Variants in SLC4A10 observed in about 807,000 individuals in gnomAD.
SLC4A10 encodes the protein solute carrier family 4 member 10.
Under a neutral mutation model 137.7 loss-of-function variants are expected in SLC4A10, and 42 were observed. The ratio of observed to expected loss-of-function variants is 0.30; its 90% CI spans 0.24 to 0.39. SLC4A10 has a LOEUF of 0.39. SLC4A10 is among the 10% of genes least tolerant of loss of function. The pLI, the probability that SLC4A10 is intolerant of heterozygous loss-of-function variation, is 1.00. For synonymous variants in SLC4A10, 474 were observed against 464.1 expected (o/e 1.02, Z -0.27); for missense variants, 925 against 1,355.0 (o/e 0.68, Z 4.98).
At position 161,802,733 on chromosome 2, in the gene SLC4A10, G is replaced by A. The variant is rs537222505; in HGVS notation, c.131-1716G>A. Among the ~76,000 whole-genome samples the A allele has an allele frequency of 1.6e-3, 247 of 152,242 alleles. 1 individual carries two copies. Among genetic ancestry groups the A allele is most frequent in the Middle Eastern group, 3.4e-3 (1 of 294 alleles). On this transcript the variant is annotated intron_variant, in intron 2 of 26. Coordinates refer to ENST00000446997, the MANE Select transcript of SLC4A10 (RefSeq NM_001178015.2). ...CTAGCCAGGTGGGTCTCATTCTGAA[G>A]ACTTTTCTCTTGGCTTTAGGTGGTT...
At chr2:161,768,470 C>A (rs1426463316) in intron 1 of SLC4A10, among the ~76,000 whole-genome samples, 1 of 151,994 alleles carries the variant, frequency 6.6e-6, no homozygotes, top group Non-Finnish European at 1.5e-5. Context: ...AAATTTTTGG[C>A]AATGTAGCAA....
At chr2:161,672,880 G>T (rs555421649) in intron 1 of SLC4A10, among the ~76,000 whole-genome samples, 7 of 152,190 alleles carry the variant, frequency 4.6e-5, no homozygotes, top group Admixed American at 1.3e-4. Flanking sequence ...TTAAAAATAA[G>T]TATTCAGAAG....
chr2:161,796,832 T>C (rs942884579), intron 2 of SLC4A10, among the ~76,000 whole-genome samples: 2 of 152,206 alleles, frequency 1.3e-5, no homozygotes, highest in Admixed American at 6.5e-5. Flanking sequence ...TCTTAATTAC[T>C]GTAATTTTCA....
At chr2:161,830,491 T>A (rs1256194546) in intron 3 of SLC4A10, among the ~76,000 whole-genome samples, 2 of 151,826 alleles carry the variant, frequency 1.3e-5, no homozygotes, top group African/African-American at 4.8e-5. Flanking sequence ...TTTTTCCTGT[T>A]ATTGTAATTA....
chr2:161,847,286 T>C (rs1013321255), intron 4 of SLC4A10, among the ~76,000 whole-genome samples: 3 of 147,914 alleles, frequency 2.0e-5, no homozygotes, highest in Non-Finnish European at 3.0e-5. Flanking sequence ...CACACACACA[T>C]ACACACACAC....
intron 15 of SLC4A10, among the ~76,000 whole-genome samples, chr2:161,906,335 G>C (rs760827798): frequency 1.3e-5 from 2 of 152,204 alleles, no homozygotes; most frequent in Non-Finnish European, 2.9e-5. Flanking sequence ...GTAGATGTTT[G>C]AAAGTGTGGT....
At chr2:161,849,036 C>A (rs1169707131) in intron 4 of SLC4A10, among the ~76,000 whole-genome samples, 1 of 152,092 alleles carries the variant, frequency 6.6e-6, no homozygotes, top group Non-Finnish European at 1.5e-5. Flanking sequence ...TATCCATGAG[C>A]ATGGAATGTT....
At chr2:161,957,891 A>G (rs1014863900) in intron 20 of SLC4A10, among the ~76,000 whole-genome samples, 2 of 152,192 alleles carry the variant, frequency 1.3e-5, no homozygotes, top group Non-Finnish European at 2.9e-5. Context: ...TGACATTTTA[A>G]TTAAATTATT....
intron 1 of SLC4A10, among the ~76,000 whole-genome samples, chr2:161,635,450 C>T (rs2034257308): frequency 6.6e-6 from 1 of 152,110 alleles, no homozygotes; most frequent in Admixed American, 6.6e-5. Flanking sequence ...ACTTTAGCAT[C>T]TCAAAAAACC....
chr2:161,694,472 TAAAA>T (rs60022977), intron 1 of SLC4A10, among the ~76,000 whole-genome samples: 2 of 146,884 alleles, frequency 1.4e-5, no homozygotes. Context: ...AGCAGATTGT[TAAAA>T]AAAAAAAAAG....
At chr2:161,848,894 A>AT (rs59476159) in intron 4 of SLC4A10, among the ~76,000 whole-genome samples, 1 of 151,762 alleles carries the variant, frequency 6.6e-6, no homozygotes, top group African/African-American at 2.4e-5. Flanking sequence ...GAATTTTAGA[A>AT]TTTTTTTCTA....
At chr2:161,826,966 T>A (rs1031141626) in intron 3 of SLC4A10, among the ~76,000 whole-genome samples, 34 of 152,334 alleles carry the variant, frequency 2.2e-4, no homozygotes, top group African/African-American at 7.5e-4. Flanking sequence ...CTGGTTATAC[T>A]ACTCTCTCCG....
At chr2:161,653,939 C>T (rs969491850) in intron 1 of SLC4A10, among the ~76,000 whole-genome samples, 4 of 152,170 alleles carry the variant, frequency 2.6e-5, no homozygotes, top group African/African-American at 9.7e-5. Flanking sequence ...GGATTATATT[C>T]TATTTTTAAT....
chr2:161,882,334 A>C lies in SLC4A10; in HGVS notation c.1107-23A>C, dbSNP rs752197954. On this transcript the variant is annotated intron_variant, in intron 9 of 26. Transcript: ENST00000446997. Reference sequence around the variant, plus strand: ...TATTTTTATATTTCTACCTTAAAACATTTTTTTTCTTCTTAATTACAGATT... The same window carrying C: ...TATTTTTATATTTCTACCTTAAAACCTTTTTTTTCTTCTTAATTACAGATT... 10 of 1,416,958 alleles carry C rather than the reference A, an allele frequency of 7.1e-6. No homozygotes were observed. In the African/African-American group the frequency reaches 1.3e-4, roughly 19 times the overall value. The allele number at this position is 1,416,958 out of a possible 1,614,324, so 87.8% of individuals were successfully genotyped here. A position where few individuals can be genotyped will look rare whatever the true frequency, so the allele number is the denominator to read the frequency against.
chr2:161,642,687 G>A (rs1338317923), intron 1 of SLC4A10, among the ~76,000 whole-genome samples: 1 of 151,978 alleles, frequency 6.6e-6, no homozygotes, highest in Non-Finnish European at 1.5e-5. Context: ...TTTAAGAAAT[G>A]CAGTAGGAAT....
intron 4 of SLC4A10, among the ~76,000 whole-genome samples, chr2:161,846,761 C>T (rs1416296023): frequency 6.6e-6 from 1 of 152,054 alleles, no homozygotes; most frequent in Admixed American, 6.6e-5. Context: ...TTATATAACA[C>T]CGTCAAAATA....
chr2:161,762,475 T>C (rs2050355354), intron 1 of SLC4A10, among the ~76,000 whole-genome samples: 1 of 152,094 alleles, frequency 6.6e-6, no homozygotes, highest in Non-Finnish European at 1.5e-5. Context: ...AGCAGTTGAG[T>C]CTTTCATATT....
At chr2:161,880,809 A>G (rs1038816183) in intron 9 of SLC4A10, among the ~76,000 whole-genome samples, 3 of 152,118 alleles carry the variant, frequency 2.0e-5, no homozygotes, top group Admixed American at 6.6e-5. Flanking sequence ...TCCACCACTT[A>G]GGAAGGTGTC....
intron 1 of SLC4A10, among the ~76,000 whole-genome samples, chr2:161,630,077 A>C (rs2033227679): frequency 6.6e-6 from 1 of 151,806 alleles, no homozygotes; most frequent in Non-Finnish European, 1.5e-5. Flanking sequence ...TGGATTGTAT[A>C]AGAGTATTTA....
Sources: gnomAD v4.1 joint callset for allele counts (sites outside exome capture counted in the v4.1 genomes callset) on GRCh38, gnomAD v4.1.1 for gene constraint, MANE v1.5 for transcripts, NCBI Gene and HGNC (gene_info 2026-07-23, HGNC 2026-07-21) for gene names.